Variants in DCAF12 observed in about 807,000 individuals in gnomAD.
The protein encoded by DCAF12 is DDB1 and CUL4 associated factor 12, also known as DDB1- and CUL4-associated factor 12.
In DCAF12, 28 loss-of-function variants were observed where a neutral mutation model predicts 52.8. The observed-to-expected ratio is 0.53, with a 90% CI of 0.39 to 0.73. The LOEUF is 0.73. DCAF12 is among the 30% of genes least tolerant of loss of function. DCAF12 has a pLI of 0.00. For missense variants in DCAF12, 425 were observed against 552.2 expected, an observed-to-expected ratio of 0.77 and a Z score of 2.31; for synonymous variants, 196 against 215.5, an observed-to-expected ratio of 0.91 and a Z score of 0.79.
chr9:34,117,640 T>G (rs1829108442), intron 2 of DCAF12, among the ~76,000 whole-genome samples: 1 of 152,002 alleles, frequency 6.6e-6, no homozygotes, highest in Non-Finnish European at 1.5e-5. Context: ...TCTTGCTGGG[T>G]GCAGTGGCTC....
intron 2 of DCAF12, among the ~76,000 whole-genome samples, chr9:34,121,057 G>A (rs1057299720): frequency 1.3e-5 from 2 of 151,950 alleles, no homozygotes; most frequent in Admixed American, 6.6e-5. Flanking sequence ...GGGAGGCAGA[G>A]GTGAGAGAAT....
At chr9:34,115,003 G>A (rs568766139) in intron 2 of DCAF12, among the ~76,000 whole-genome samples, 15 of 152,088 alleles carry the variant, frequency 9.9e-5, no homozygotes, top group African/African-American at 3.4e-4. Context: ...AAAAGAGGAA[G>A]GGGTAACCTT....
At chr9:34,123,192 A>T (rs73489346) in intron 2 of DCAF12, among the ~76,000 whole-genome samples, 4 of 152,318 alleles carry the variant, frequency 2.6e-5, no homozygotes, top group African/African-American at 9.6e-5. Flanking sequence ...TTCTACATCA[A>T]AACTTTCCTA....
At chr9:34,098,541 T>C in intron 4 of DCAF12, 24 bp from the exon 5 acceptor site, 2 of 1,603,920 alleles carry the variant, frequency 1.2e-6, no homozygotes, top group Non-Finnish European at 1.7e-6. Context: ...AGAACACAGA[T>C]GTCAGATGTA....
chr9:34,104,482 C>T (rs1256303656), intron 4 of DCAF12, among the ~76,000 whole-genome samples: 1 of 152,132 alleles, frequency 6.6e-6, no homozygotes, highest in African/African-American at 2.4e-5. Flanking sequence ...ATTTGTTTCT[C>T]ATCTTACAGA....
chr9:34,120,683 AAAAAG>A (rs1218163381), intron 2 of DCAF12, among the ~76,000 whole-genome samples: 137 of 151,484 alleles, frequency 9.0e-4, no homozygotes, highest in Non-Finnish European at 7.8e-4. Flanking sequence ...AAAAAAAAAA[AAAAAG>A]AAAACAAAGC....
At chr9:34,112,808 G>C (rs888809445) in intron 2 of DCAF12, among the ~76,000 whole-genome samples, 7 of 152,002 alleles carry the variant, frequency 4.6e-5, no homozygotes, top group Non-Finnish European at 1.5e-5. Flanking sequence ...TGAGGCAGGT[G>C]AATCGCTTGA....
rs1301217261 is a variant in DCAF12, at chr9:34,126,493, A to G, written c.-62T>C. On this transcript the variant is annotated 5_prime_UTR_variant, in exon 1 of 9. Transcript: ENST00000361264. The stretch of plus-strand genomic sequence containing the variant: ...GGCGGGGGAAGCGAAGGATAGCAGG[A>G]CGGCGGGTCATATACTGGGCCCCGG... 8.3e-6 allele frequency: 13 copies of G among 1,561,480 alleles called. No individual in the cohort carries two copies. Among genetic ancestry groups the G allele is most frequent in the Non-Finnish European group, 1.1e-5 (13 of 1,159,712 alleles).
At chr9:34,101,369 G>A (rs965274028) in intron 4 of DCAF12, among the ~76,000 whole-genome samples, 2 of 151,736 alleles carry the variant, frequency 1.3e-5, no homozygotes, top group African/African-American at 2.4e-5. Context: ...CACTGTGCCC[G>A]GCCATAATTC....
intron 6 of DCAF12, among the ~76,000 whole-genome samples, chr9:34,095,686 A>G (rs923754770): frequency 1.3e-5 from 2 of 152,026 alleles, no homozygotes; most frequent in Admixed American, 6.6e-5. Flanking sequence ...ATTGTGCCCA[A>G]CTGGATTTTG....
intron 6 of DCAF12, chr9:34,096,019 C>T (rs1019663696): frequency 2.0e-5 from 3 of 152,104 alleles, no homozygotes; most frequent in African/African-American, 7.2e-5. Flanking sequence ...ATTTCATGTA[C>T]TGTGCAAAAA....
intron 5 of DCAF12, 136 bp downstream of exon 5, chr9:34,098,188 C>T (rs368535594): frequency 9.0e-6 from 8 of 888,880 alleles, no homozygotes; most frequent in African/African-American, 8.4e-5. Context: ...ACCAGCATCA[C>T]TCAGCCTTTA....
chr9:34,126,328 C>A (rs754618279), intron 1 of DCAF12, 26 bp downstream of exon 1: 3 of 1,611,206 alleles, frequency 1.9e-6, no homozygotes, highest in Non-Finnish European at 2.5e-6. Context: ...GCCTCACCAC[C>A]CAGGTGCCGG....
intron 3 of DCAF12, among the ~76,000 whole-genome samples, chr9:34,106,724 A>G (rs1371179645): frequency 6.6e-6 from 1 of 152,188 alleles, no homozygotes; most frequent in Non-Finnish European, 1.5e-5. Context: ...TAGTGGACAC[A>G]TAGCTCTTGC....
rs1442695550 is a variant in DCAF12, at chr9:34,088,213, G to A, written c.*137C>T. ...TCTGTACAGAGCTTCTTCCTATTAA[G>A]TGCCTAAACTATAGGCAAACTTTGG... is the stretch of plus-strand genomic sequence containing the variant. On this transcript the variant is annotated 3_prime_UTR_variant, in exon 9 of 9. Transcript: ENST00000361264. 14 of 889,858 alleles carry A rather than the reference G, an allele frequency of 1.6e-5. No homozygotes were observed. The highest frequency in any genetic ancestry group is 2.8e-5 in the Admixed American group (1 of 35,136). 55.1% of individuals were successfully genotyped at this position (889,858 alleles called of 1,614,324 possible). A position where few individuals can be genotyped will look rare whatever the true frequency, so the allele number is the denominator to read the frequency against.
rs117490135 is a variant in DCAF12, at chr9:34,105,564, T to A, written c.601+870A>T. On this transcript the variant is annotated intron_variant, in intron 4 of 8. Transcript: ENST00000361264. ...GGGAGCCTGAGGCAGAAGGATCACT[T>A]GAGCCCAAGAGCTCAAGGATGCAGT... is the stretch of plus-strand genomic sequence containing the variant. 5.3e-3 allele frequency among the ~76,000 whole-genome samples: 813 copies of A among 152,310 alleles called. 3 individuals are homozygous for A. Among genetic ancestry groups the A allele is most frequent in the Middle Eastern group, 0.01 (3 of 294 alleles).
At chr9:34,089,291 A>G (rs1284773419) in intron 8 of DCAF12, 121 bp downstream of exon 8, 13 of 1,162,058 alleles carry the variant, frequency 1.1e-5, no homozygotes, top group Non-Finnish European at 1.4e-5. Context: ...TCCTGTTCCA[A>G]TGAGTGCCTC....
In DCAF12 at chr9:34,110,985, GT is replaced by G. The variant is rs1204745952; in HGVS notation, c.334-3421del. 7.6e-3 allele frequency among the ~76,000 whole-genome samples: 954 copies of G among 125,910 alleles called. 2 individuals are homozygous for G. The highest frequency in any genetic ancestry group is 0.021 in the African/African-American group (719 of 34,506). The allele number at this position is 125,910 out of a possible 152,430, so 82.6% of individuals were successfully genotyped here. A position where few individuals can be genotyped will look rare whatever the true frequency, so the allele number is the denominator to read the frequency against. ...AGAAATGATTCTCCTATTCTTTTCT[GT>G]TTTTTTTTTTTTTTTTTGAGACCAA... is the stretch of plus-strand genomic sequence containing the variant. On this transcript the variant is annotated intron_variant, in intron 2 of 8. Coordinates refer to ENST00000361264, the MANE Select transcript of DCAF12 (RefSeq NM_015397.4).
At chr9:34,108,904 T>C (rs1450360044) in intron 2 of DCAF12, among the ~76,000 whole-genome samples, 1 of 148,892 alleles carries the variant, frequency 6.7e-6, no homozygotes, top group African/African-American at 2.5e-5. Flanking sequence ...GGCATAAGGA[T>C]CACAAATTGA....
Sources: allele counts gnomAD v4.1 joint callset (sites outside exome capture counted in the v4.1 genomes callset), GRCh38; gene constraint gnomAD v4.1.1; transcripts MANE v1.5; gene names NCBI Gene and HGNC (gene_info 2026-07-23, HGNC 2026-07-21).